ILDR1: variants seen among roughly 807,000 people sequenced by gnomAD.
The protein encoded by ILDR1 is immunoglobulin like domain containing receptor 1.
ILDR1 carries 56 observed loss-of-function variants against 62.4 expected under a neutral mutation model. The observed-to-expected ratio is 0.90, with a 90% CI of 0.72 to 1.12. ILDR1 has a LOEUF of 1.12. Among genes scored for constraint, ILDR1 ranks in the 50% most tolerant of loss-of-function variants. The pLI, the probability that ILDR1 is intolerant of heterozygous loss-of-function variation, is 0.00. For missense variants in ILDR1, 736 were observed against 710.6 expected, an observed-to-expected ratio of 1.04 and a Z score of -0.41; for synonymous variants, 284 against 277.8, an observed-to-expected ratio of 1.02 and a Z score of -0.22.
chr3:122,037,815 G>T, the ILDR1 span, among the ~76,000 whole-genome samples: 2 of 152,132 alleles, frequency 1.3e-5, no homozygotes, highest in Non-Finnish European at 2.9e-5. Context: ...TGGAGGAGAG[G>T]CCTGATGGGA....
intron 7 of ILDR1, among the ~76,000 whole-genome samples, chr3:121,992,903 T>G (rs1343701664): frequency 1.3e-5 from 2 of 152,210 alleles, no homozygotes; most frequent in Non-Finnish European, 2.9e-5. Context: ...AGGACTGCGA[T>G]GACAGCCGAA....
upstream of ILDR1, chr3:122,025,371 A>G (rs1201426843): frequency 6.6e-6 from 1 of 152,232 alleles, no homozygotes; most frequent in Non-Finnish European, 1.5e-5. Flanking sequence ...ACTATGACTC[A>G]GGGATCATCA....
chr3:122,050,051 A>G, the ILDR1 span, among the ~76,000 whole-genome samples: 2 of 152,180 alleles, frequency 1.3e-5, no homozygotes, highest in Non-Finnish European at 2.9e-5. Context: ...GACGAAGATA[A>G]AGTCTATTTT....
chr3:122,059,909 A>G, the ILDR1 span, among the ~76,000 whole-genome samples: 1 of 152,186 alleles, frequency 6.6e-6, no homozygotes, highest in African/African-American at 2.4e-5. Context: ...CCATCCACAT[A>G]CAAGCCAGAG....
the ILDR1 span, among the ~76,000 whole-genome samples, chr3:122,028,263 G>A: frequency 6.6e-6 from 1 of 150,898 alleles, no homozygotes; most frequent in Non-Finnish European, 1.5e-5. Flanking sequence ...GTGAACCCGG[G>A]AGGTGGAGCT....
At chr3:122,055,075 C>T in the ILDR1 span, among the ~76,000 whole-genome samples, 8 of 152,006 alleles carry the variant, frequency 5.3e-5, no homozygotes, top group African/African-American at 1.5e-4. Flanking sequence ...TGTAGAATGC[C>T]TCTTTATTCT....
At chr3:122,059,864 C>T in the ILDR1 span, among the ~76,000 whole-genome samples, 2 of 152,018 alleles carry the variant, frequency 1.3e-5, no homozygotes, top group South Asian at 2.1e-4. Context: ...AAACACACAG[C>T]GGAAAAGCGG....
At chr3:122,034,173 T>A in the ILDR1 span, among the ~76,000 whole-genome samples, 3 of 152,212 alleles carry the variant, frequency 2.0e-5, no homozygotes, top group East Asian at 5.8e-4. Context: ...ACATTTTATT[T>A]GTTGTTGGTA....
At chr3:122,029,202 C>T in the ILDR1 span, among the ~76,000 whole-genome samples, 2 of 152,016 alleles carry the variant, frequency 1.3e-5, no homozygotes, top group African/African-American at 4.8e-5. Context: ...GTATGTAGAA[C>T]AAAGTATAAA....
chr3:121,989,946 C>T (rs11924848), intron 7 of ILDR1, among the ~76,000 whole-genome samples: 2,435 of 152,218 alleles, frequency 0.016, 64 homozygotes, highest in African/African-American at 0.055. Context: ...TCTCTAAATG[C>T]CAAATGAAGT....
the ILDR1 span, among the ~76,000 whole-genome samples, chr3:122,033,327 A>T: frequency 6.6e-6 from 1 of 150,536 alleles, no homozygotes; most frequent in Non-Finnish European, 1.5e-5. Flanking sequence ...TTGTTTTTTT[A>T]TTTATTCACT....
intron 5 of ILDR1, among the ~76,000 whole-genome samples, chr3:122,000,418 T>C (rs778824602): frequency 2.6e-5 from 4 of 152,152 alleles, no homozygotes; most frequent in Non-Finnish European, 4.4e-5. Flanking sequence ...TCAAGGAGCT[T>C]CCTGGCTGCT....
chr3:121,997,369 T>C (rs2071452140), intron 5 of ILDR1, among the ~76,000 whole-genome samples: 1 of 152,244 alleles, frequency 6.6e-6, no homozygotes, highest in Admixed American at 6.5e-5. Context: ...TACCAGCAGA[T>C]GCTTCTGGGT....
At chr3:122,018,965 T>C (rs72965405) in intron 1 of ILDR1, among the ~76,000 whole-genome samples, 7 of 152,180 alleles carry the variant, frequency 4.6e-5, no homozygotes, top group African/African-American at 1.7e-4. Flanking sequence ...TCTAAGGATA[T>C]TCTTACTTAG....
intron 3 of ILDR1, among the ~76,000 whole-genome samples, chr3:122,004,918 T>A (rs1238983234): frequency 6.6e-6 from 1 of 152,090 alleles, no homozygotes; most frequent in Non-Finnish European, 1.5e-5. Flanking sequence ...CTGAGAGCAA[T>A]TTGTGGAAGG....
the ILDR1 span, among the ~76,000 whole-genome samples, chr3:122,028,290 C>G: frequency 7.9e-4 from 114 of 144,106 alleles, 2 homozygotes; most frequent in South Asian, 0.011. Flanking sequence ...GAGCCGCGAT[C>G]GCACCACTGC....
the ILDR1 span, among the ~76,000 whole-genome samples, chr3:122,057,925 A>G: frequency 6.6e-6 from 1 of 152,262 alleles, no homozygotes; most frequent in Non-Finnish European, 1.5e-5. Context: ...GTGGCCGCAC[A>G]TTGAAGCCAG....
At position 121,993,919 on chromosome 3, in the gene ILDR1, T is replaced by C. The variant is rs2107644901; in HGVS notation, c.830A>G (p.Asn277Ser). 6.2e-7 allele frequency: 1 copy of C among 1,613,550 alleles called. No homozygotes were observed. The highest frequency in any genetic ancestry group is 1.1e-5 in the South Asian group (1 of 91,084). The change falls in exon 7 of 8, where the codon AAT becomes AGT. Residue 277 changes from asparagine to serine, a missense_variant. By Grantham distance (46) the Asn-to-Ser change is conservative (BLOSUM62 1). Coordinates refer to ENST00000344209, the MANE Select transcript of ILDR1 (RefSeq NM_001199799.2). ...GACACCATTGGCGATGGGAGGCTGA[T>C]TGGTGGTCTGGGTCATTGGCATCTG... ...LPQMPMTQTT[N>S]QPPIANGVLE...
intron 3 of ILDR1, among the ~76,000 whole-genome samples, chr3:122,002,931 C>A (rs1280873479): frequency 6.6e-6 from 1 of 152,182 alleles, no homozygotes; most frequent in Non-Finnish European, 1.5e-5. Flanking sequence ...TGTCTAATAT[C>A]CAGCATCTAC....
Sources: allele counts gnomAD v4.1 joint callset (sites outside exome capture counted in the v4.1 genomes callset), GRCh38; gene constraint gnomAD v4.1.1; transcripts MANE v1.5; gene names NCBI Gene and HGNC (gene_info 2026-07-23, HGNC 2026-07-21).